The following GPR89B variants were observed in gnomAD, a reference collection of about 807,000 sequenced individuals.
The protein encoded by GPR89B is G protein-coupled receptor 89B.
A neutral mutation model predicts 52.4 loss-of-function variants in GPR89B; 25 were observed. That is an observed-to-expected ratio of 0.48 (90% confidence interval 0.35 to 0.67). The LOEUF is 0.67. GPR89B is among the 30% of genes least tolerant of loss of function. The pLI, the probability that GPR89B is intolerant of heterozygous loss-of-function variation, is 0.01. For missense variants in GPR89B, 146 were observed against 450.2 expected (o/e 0.32, Z 6.11); for synonymous variants, 52 against 151.2 (o/e 0.34, Z 4.81).
the GPR89B span, among the ~76,000 whole-genome samples, chr1:148,021,089 G>A: frequency 1.3e-5 from 2 of 151,986 alleles, no homozygotes; most frequent in African/African-American, 4.8e-5. Flanking sequence ...AAACCGGCGC[G>A]ACTTTTATCG....
chr1:147,995,572 G>A, downstream of GPR89B: 2 of 1,603,230 alleles, frequency 1.2e-6, no homozygotes, highest in Non-Finnish European at 1.7e-6. Flanking sequence ...ATTAGATCAT[G>A]AAAAGAAATA....
chr1:147,982,138 C>A (rs1287010525), intron 10 of GPR89B, among the ~76,000 whole-genome samples: 2 of 151,870 alleles, frequency 1.3e-5, no homozygotes, highest in Admixed American at 6.6e-5. Flanking sequence ...CAGCTCACTG[C>A]AACTTCCGCC....
chr1:147,933,114 T>C (rs587676136), intron 1 of GPR89B, among the ~76,000 whole-genome samples: 1 of 152,170 alleles, frequency 6.6e-6, no homozygotes, highest in African/African-American at 2.4e-5. Context: ...GTTCATCCTC[T>C]AGTATTCCAC....
the GPR89B span, among the ~76,000 whole-genome samples, chr1:147,999,031 T>G: frequency 6.6e-6 from 1 of 151,930 alleles, no homozygotes; most frequent in African/African-American, 2.4e-5. Context: ...AGGTCTTACT[T>G]TGGAGAGCGG....
chr1:147,940,639 C>G (rs1244821314), intron 3 of GPR89B, among the ~76,000 whole-genome samples: 1 of 152,200 alleles, frequency 6.6e-6, no homozygotes, highest in Non-Finnish European at 1.5e-5. Flanking sequence ...CACAAGTACT[C>G]AGCTCTGCTG....
the GPR89B span, among the ~76,000 whole-genome samples, chr1:148,016,835 T>C: frequency 1.5e-3 from 229 of 151,364 alleles, 4 homozygotes; most frequent in East Asian, 0.028. Context: ...TACAGTTCAC[T>C]GATAATCTTT....
chr1:147,974,064 A>T, intron 10 of GPR89B, among the ~76,000 whole-genome samples: 1 of 151,850 alleles, frequency 6.6e-6, no homozygotes, highest in Admixed American at 6.6e-5. Context: ...TGTTTTGGTC[A>T]CTGTAACCTG....
downstream of GPR89B, chr1:147,995,535 A>T (rs1298067174): frequency 6.4e-7 from 1 of 1,561,226 alleles, no homozygotes; most frequent in Non-Finnish European, 8.8e-7. Context: ...AAATATACTC[A>T]TAGGGACTGT....
At chr1:147,954,465 G>A (rs1655957519) in intron 7 of GPR89B, 63 bp downstream of exon 7, 1 of 168,350 alleles carries the variant, frequency 5.9e-6, no homozygotes, top group African/African-American at 2.5e-5. Flanking sequence ...AAATTTGACT[G>A]TGAATTGGTG....
chr1:147,955,368 T>G (rs1471824206), intron 7 of GPR89B, among the ~76,000 whole-genome samples: 16 of 152,166 alleles, frequency 1.1e-4, no homozygotes, highest in Admixed American at 1.0e-3. Context: ...TGAACATAGG[T>G]GTACAGATAT....
chr1:147,983,677 A>G (rs1488398972), intron 10 of GPR89B, among the ~76,000 whole-genome samples: 28 of 151,968 alleles, frequency 1.8e-4, no homozygotes, highest in Admixed American at 1.6e-3. Context: ...TCAGGAAACA[A>G]CAGGTGCTGG....
the GPR89B span, among the ~76,000 whole-genome samples, chr1:148,007,418 A>G: frequency 1.3e-5 from 2 of 151,990 alleles, no homozygotes; most frequent in Non-Finnish European, 2.9e-5. Context: ...GTACATATTT[A>G]TAGGGTGTGT....
chr1:147,936,080 C>T (rs1159835802), intron 1 of GPR89B, among the ~76,000 whole-genome samples: 4 of 152,182 alleles, frequency 2.6e-5, no homozygotes, highest in South Asian at 2.1e-4. Flanking sequence ...TGCAGTGGCA[C>T]GATATTGGCT....
intron 5 of GPR89B, among the ~76,000 whole-genome samples, chr1:147,951,485 A>G (rs1553251056): frequency 6.6e-6 from 1 of 152,100 alleles, no homozygotes; most frequent in Non-Finnish European, 1.5e-5. Context: ...AAGCCTGTCT[A>G]TTAAGGAGGA....
chr1:148,000,085 G>A, the GPR89B span, among the ~76,000 whole-genome samples: 2 of 151,904 alleles, frequency 1.3e-5, no homozygotes, highest in East Asian at 3.9e-4. Context: ...CCTCAAATCA[G>A]GTCTCACCAT....
intron 2 of GPR89B, among the ~76,000 whole-genome samples, chr1:147,937,879 AAG>A (rs1654224164): frequency 6.6e-6 from 1 of 152,228 alleles, no homozygotes; most frequent in South Asian, 2.1e-4. Context: ...TGACGGGATT[AAG>A]AGATTAAAGT....
chr1:148,021,512 C>T, the GPR89B span, among the ~76,000 whole-genome samples: 1 of 151,452 alleles, frequency 6.6e-6, no homozygotes, highest in African/African-American at 2.4e-5. Context: ...AGGAGAGAAG[C>T]TGTGGGGTGG....
the GPR89B span, chr1:148,012,160 C>T: frequency 6.6e-6 from 1 of 152,026 alleles, no homozygotes; most frequent in African/African-American, 2.4e-5. Flanking sequence ...AGGTTCTTCT[C>T]TTCACTTGTT....
At chr1:147,951,999 G>A (rs1655751726) in intron 5 of GPR89B, among the ~76,000 whole-genome samples, 1 of 152,084 alleles carries the variant, frequency 6.6e-6, no homozygotes, top group South Asian at 2.1e-4. Flanking sequence ...CATGACCATA[G>A]TGTAGAGTGA....
Sources: allele counts gnomAD v4.1 joint callset (sites outside exome capture counted in the v4.1 genomes callset), GRCh38; gene constraint gnomAD v4.1.1; transcripts MANE v1.5; gene names NCBI Gene and HGNC (gene_info 2026-07-23, HGNC 2026-07-21).